TMEM35A: variants seen among roughly 807,000 people sequenced by gnomAD.
TMEM35A encodes transmembrane protein 35A.
For missense variants in TMEM35A, 83 were observed against 132.7 expected, an observed-to-expected ratio of 0.63 and a Z score of 1.84; for synonymous variants, 50 against 54.7, an observed-to-expected ratio of 0.91 and a Z score of 0.38.
In TMEM35A at chrX:101,094,833, C is replaced by T. The variant is rs769646144; in HGVS notation, c.381C>T (p.Cys127=). The T allele has an allele frequency of 8.3e-7, 1 of 1,208,717 alleles. No homozygotes were observed. The highest frequency in any genetic ancestry group is 1.8e-5 in the African/African-American group (1 of 56,988). ...TGGTGTTTGGAATCCTGCTCACTTGCCGCCTGCTGATTGCTCGCAAGCCCG... is the reference window on the plus strand; with the variant it reads ...TGGTGTTTGGAATCCTGCTCACTTGTCGCCTGCTGATTGCTCGCAAGCCCG... ...HALVFGILLT[C]RLLIARKPED... is the part of the protein sequence containing the mutation. The change falls in exon 2 of 2, where the codon TGC becomes TGT. Residue 127 remains cysteine, a synonymous_variant. Coordinates refer to ENST00000372930, the MANE Select transcript of TMEM35A (RefSeq NM_021637.3).
At chrX:101,082,133 C>CTTTTTTT in intron 1 of TMEM35A, among the ~76,000 whole-genome samples, 4 of 20,467 alleles carry the variant, frequency 2.0e-4, no homozygotes, top group African/African-American at 3.3e-4. Context: ...TTCTTTCTTT[C>CTTTTTTT]TTTTTTTTTT....
chrX:101,087,884 C>T (rs770670294), intron 1 of TMEM35A, among the ~76,000 whole-genome samples: 35 of 111,328 alleles, frequency 3.1e-4, no homozygotes, highest in Admixed American at 1.2e-3. Context: ...TGGTGGCAAG[C>T]GCCTGTAGTC....
intron 1 of TMEM35A, among the ~76,000 whole-genome samples, chrX:101,088,835 G>A (rs1427042387): frequency 9.0e-6 from 1 of 110,587 alleles, no homozygotes. Context: ...AGCTAGGGAA[G>A]CATAATTTGC....
chrX:101,084,660 T>C (rs994012252), intron 1 of TMEM35A, among the ~76,000 whole-genome samples: 4 of 110,284 alleles, frequency 3.6e-5, no homozygotes, highest in African/African-American at 1.3e-4. Flanking sequence ...AGGTCAGGAG[T>C]TCGAGACCAG....
rs191723798 is a variant in TMEM35A at position 101,084,154 on chromosome X, C to T, written c.120+5032C>T. 7.4e-5 allele frequency among the ~76,000 whole-genome samples: 7 copies of T among 94,097 alleles called. 1 individual carries two copies. In the Admixed American group the frequency reaches 8.9e-4, roughly 12 times the overall value. 81.7% of individuals were successfully genotyped at this position (94,097 alleles called of 115,157 possible). On this transcript the variant is annotated intron_variant, in intron 1 of 1. Transcript: ENST00000372930. The stretch of plus-strand genomic sequence containing the variant: ...GCTGAACCGAGATCACACCATTGCA[C>T]TCCAGCCTGGGCAACAAGAGGGAAA...
At chrX:101,093,870 T>C (rs2089331272) in intron 1 of TMEM35A, among the ~76,000 whole-genome samples, 2 of 111,493 alleles carry the variant, frequency 1.8e-5, no homozygotes, top group Admixed American at 9.6e-5. Flanking sequence ...TGGTGCCTTC[T>C]AACTGTGTCC....
chrX:101,082,133 C>CTTTTTT, intron 1 of TMEM35A, among the ~76,000 whole-genome samples: 13 of 20,465 alleles, frequency 6.4e-4, no homozygotes, highest in Non-Finnish European at 8.2e-4. Context: ...TTCTTTCTTT[C>CTTTTTT]TTTTTTTTTT....
rs754196563 is a variant in TMEM35A, at chrX:101,095,304, TGTGTGTGC to T, written c.*350_*357del. The T allele has an allele frequency of 2.7e-4, 28 of 103,966 alleles. No homozygotes were observed. The highest frequency in any genetic ancestry group is 3.8e-4 in the African/African-American group (6 of 15,952). 8.6% of individuals were successfully genotyped at this position (103,966 alleles called of 1,213,427 possible). On this transcript the variant is annotated 3_prime_UTR_variant, in exon 2 of 2. Coordinates refer to ENST00000372930, the MANE Select transcript of TMEM35A (RefSeq NM_021637.3). Reference sequence around the variant, plus strand: ...TAACTACTCTGTGTGTGTGTGTGTGTGTGTGTGCGCGCGCGCGCGCACGCGCACACACT... The same window carrying T: ...TAACTACTCTGTGTGTGTGTGTGTGTGCGCGCGCGCGCACGCGCACACACT...
In TMEM35A at chrX:101,095,141, T is replaced by C. The variant is rs1330231617; in HGVS notation, c.*185T>C. The C allele has an allele frequency of 2.1e-6, 1 of 465,395 alleles. No individual in the cohort carries two copies. Among genetic ancestry groups the C allele is most frequent in the East Asian group, 3.9e-5 (1 of 25,651 alleles). The allele number at this position is 465,395 out of a possible 1,213,427, so 38.4% of individuals were successfully genotyped here. Reference sequence around the variant, plus strand: ...AAAATGACTTCCCCACATTGACATTTGTGCGCCACCTTTAATCACTCTGGG... The same window carrying C: ...AAAATGACTTCCCCACATTGACATTCGTGCGCCACCTTTAATCACTCTGGG... On this transcript the variant is annotated 3_prime_UTR_variant, in exon 2 of 2. Coordinates refer to ENST00000372930, the MANE Select transcript of TMEM35A (RefSeq NM_021637.3).
chrX:101,083,466 T>G (rs1426907760), intron 1 of TMEM35A, among the ~76,000 whole-genome samples: 1 of 111,875 alleles, frequency 8.9e-6, no homozygotes, highest in Non-Finnish European at 1.9e-5. Context: ...TTGCATCCCC[T>G]CATAGTAAAG....
At chrX:101,086,425 T>C (rs149141478) in intron 1 of TMEM35A, among the ~76,000 whole-genome samples, 3,766 of 112,005 alleles carry the variant, frequency 0.034, 158 homozygotes, top group African/African-American at 0.12. Context: ...CCGGCCTAAT[T>C]GTGTGGTTCA....
At position 101,079,080 on chromosome X, in the gene TMEM35A, C is replaced by T. The variant is rs1380722378; in HGVS notation, c.78C>T (p.Ile26=). 5.8e-6 allele frequency: 7 copies of T among 1,209,330 alleles called. No homozygotes were observed. Among genetic ancestry groups the T allele is most frequent in the Non-Finnish European group, 7.8e-6 (7 of 894,944 alleles). The change falls in exon 1 of 2, where the codon ATC becomes ATT. Residue 26 remains isoleucine (I), a synonymous_variant. Transcript: ENST00000372930. The part of the protein sequence containing the change: ...LGLFFVFMGT[I]KLTPRLSKDA... ...TCTTCTTTGTTTTCATGGGGACTAT[C>T]AAGCTGACCCCCAGGCTCAGCAAGG...
chrX:101,081,192 T>C (rs2089290849), intron 1 of TMEM35A, among the ~76,000 whole-genome samples: 2 of 112,534 alleles, frequency 1.8e-5, no homozygotes, highest in South Asian at 7.3e-4. Context: ...TAGGGGCATC[T>C]AGAGGGAATG....
intron 1 of TMEM35A, among the ~76,000 whole-genome samples, chrX:101,093,455 A>T: frequency 9.1e-6 from 1 of 109,770 alleles, no homozygotes; most frequent in Non-Finnish European, 1.9e-5. Flanking sequence ...CTGGGATTAC[A>T]GGCATGCCCC....
rs1209558276 is a variant in TMEM35A at position 101,094,913 on chromosome X, C to T, written c.461C>T (p.Ser154Phe). Residue 154 changes from serine to phenylalanine, a missense_variant, in exon 2 of 2, where the codon TCC becomes TTC. Ser to Phe is a radical substitution (Grantham distance 155). Coordinates refer to ENST00000372930, the MANE Select transcript of TMEM35A (RefSeq NM_021637.3). ...CCAGGGAATGCTGAGGAGCAACCCTCCTTATATGAGAAGGCCCCTCAGGGC... is the reference window on the plus strand; with the variant it reads ...CCAGGGAATGCTGAGGAGCAACCCTTCTTATATGAGAAGGCCCCTCAGGGC... Reference protein sequence around the residue: ...PLPGNAEEQPSLYEKAPQGKV... With the variant: ...PLPGNAEEQPFLYEKAPQGKV... 1 of 1,201,647 alleles carries T rather than the reference C, an allele frequency of 8.3e-7. No homozygotes were observed. Among genetic ancestry groups the T allele is most frequent in the Non-Finnish European group, 1.1e-6 (1 of 893,220 alleles).
intron 1 of TMEM35A, among the ~76,000 whole-genome samples, chrX:101,092,492 C>A (rs900562919): frequency 1.8e-5 from 2 of 111,565 alleles, no homozygotes; most frequent in Non-Finnish European, 3.8e-5. Flanking sequence ...AGCTTCATGA[C>A]CCTGTCTAAT....
At chrX:101,090,900 G>A (rs929336466) in intron 1 of TMEM35A, among the ~76,000 whole-genome samples, 1 of 106,310 alleles carries the variant, frequency 9.4e-6, no homozygotes, top group East Asian at 3.0e-4. Context: ...GCAATGGCGT[G>A]ATCTCGGGTC....
chrX:101,093,008 C>T (rs968626242), intron 1 of TMEM35A, among the ~76,000 whole-genome samples: 2 of 112,306 alleles, frequency 1.8e-5, no homozygotes, highest in Non-Finnish European at 3.8e-5. Flanking sequence ...AAAGGGCTGA[C>T]ATTTGCATAC....
intron 1 of TMEM35A, among the ~76,000 whole-genome samples, chrX:101,093,352 C>T (rs1296014829): frequency 6.3e-5 from 7 of 110,872 alleles, no homozygotes; most frequent in East Asian, 2.8e-4. Context: ...CTTGCTCTGT[C>T]GCCCAGGCTG....
Sources: gnomAD v4.1 joint callset for allele counts (sites outside exome capture counted in the v4.1 genomes callset) on GRCh38, gnomAD v4.1.1 for gene constraint, MANE v1.5 for transcripts, NCBI Gene and HGNC (gene_info 2026-07-23, HGNC 2026-07-21) for gene names.